The following MRO variants were observed in gnomAD, a reference collection of about 807,000 sequenced individuals.
The protein encoded by MRO is protein maestro.
In MRO, 28 loss-of-function variants were observed where a neutral mutation model predicts 31.0. The ratio of observed to expected loss-of-function variants is 0.90; its 90% CI spans 0.67 to 1.24. The LOEUF is 1.24. Ranked by LOEUF, MRO falls within the 50% of genes most tolerant of loss-of-function variation. MRO has a pLI of 0.00. For synonymous variants in MRO, 108 were observed against 108.4 expected (o/e 1.00, Z 0.02); for missense variants, 332 against 289.2 (o/e 1.15, Z -1.07).
chr18:50,797,442 A>C lies in MRO; in HGVS notation c.*1895T>G, dbSNP rs1912881079. 1 of 152,208 alleles carries C rather than the reference A, an allele frequency of 6.6e-6. No homozygotes were observed. The highest frequency in any genetic ancestry group is 2.4e-5 in the African/African-American group (1 of 41,450). 9.4% of individuals were successfully genotyped at this position (152,208 alleles called of 1,614,324 possible). On this transcript the variant is annotated 3_prime_UTR_variant, in exon 8 of 8. Coordinates refer to ENST00000398439, the MANE Select transcript of MRO (RefSeq NM_031939.6). Reference sequence around the variant, plus strand: ...ACAAAGGCAGCCCAGATTCAAACAGAAGGGACTAAATAAAGACATGAGTAT... The same window carrying C: ...ACAAAGGCAGCCCAGATTCAAACAGCAGGGACTAAATAAAGACATGAGTAT...
intron 2 of MRO, among the ~76,000 whole-genome samples, chr18:50,813,832 A>G (rs1914664896): frequency 1.3e-5 from 2 of 152,130 alleles, no homozygotes; most frequent in Non-Finnish European, 2.9e-5. Flanking sequence ...ACCAGGGCCT[A>G]CTTGAGGGTT....
intron 2 of MRO, chr18:50,815,815 CCT>C: frequency 3.9e-6 from 1 of 259,586 alleles, no homozygotes; most frequent in South Asian, 4.3e-5. Context: ...GAGCAGATCA[CCT>C]GAGGTCAGGA....
At chr18:50,825,090 T>TA (rs1291462123) in intron 1 of MRO, among the ~76,000 whole-genome samples, 33 of 141,826 alleles carry the variant, frequency 2.3e-4, no homozygotes, top group East Asian at 2.0e-4. Flanking sequence ...AAAAAAAAAT[T>TA]AAAAAAAAAA....
intron 5 of MRO, 43 bp from the exon 6 acceptor site, chr18:50,801,547 A>G: frequency 6.5e-7 from 1 of 1,547,222 alleles, no homozygotes; most frequent in Non-Finnish European, 8.7e-7. Context: ...CCAGATCATT[A>G]CCAAAAGGCA....
chr18:50,810,214 T>TG (rs1349637515), intron 2 of MRO, among the ~76,000 whole-genome samples: 1 of 152,224 alleles, frequency 6.6e-6, no homozygotes, highest in Admixed American at 6.5e-5. Flanking sequence ...CCCAAAGTGT[T>TG]GGGATTATAG....
rs1427378181 is a variant in MRO at position 50,797,819 on chromosome 18, T to A, written c.*1518A>T. The A allele has an allele frequency of 6.6e-6, 1 of 152,158 alleles. No individual in the cohort carries two copies. Among genetic ancestry groups the A allele is most frequent in the Non-Finnish European group, 1.5e-5 (1 of 68,030 alleles). 9.4% of individuals were successfully genotyped at this position (152,158 alleles called of 1,614,324 possible). On this transcript the variant is annotated 3_prime_UTR_variant, in exon 8 of 8. Coordinates refer to ENST00000398439, the MANE Select transcript of MRO (RefSeq NM_031939.6). Reference sequence around the variant, plus strand: ...CCACCCATTTGCTCGTGAGCCTGTGTCCCTCCTAAAATCTCTTGCTGTCAT... The same window carrying A: ...CCACCCATTTGCTCGTGAGCCTGTGACCCTCCTAAAATCTCTTGCTGTCAT...
At chr18:50,824,968 C>T (rs925995756), upstream of MRO, among the ~76,000 whole-genome samples, 10 of 149,936 alleles carry the variant, frequency 6.7e-5, no homozygotes, top group East Asian at 2.0e-4. Context: ...CCAGCTACTT[C>T]GGAGGCTGAG....
chr18:50,813,781 C>A (rs1287814833), intron 2 of MRO, among the ~76,000 whole-genome samples: 5 of 152,120 alleles, frequency 3.3e-5, no homozygotes, highest in Non-Finnish European at 7.3e-5. Flanking sequence ...TAAGTGGGAG[C>A]TAAATGTTGA....
At chr18:50,809,281 T>C (rs757522534) in intron 3 of MRO, 21 bp downstream of exon 3, 1 of 1,588,182 alleles carries the variant, frequency 6.3e-7, no homozygotes, top group Admixed American at 1.7e-5. Context: ...AGAAATTTGT[T>C]CATAATATTT....
upstream of MRO, among the ~76,000 whole-genome samples, chr18:50,822,949 C>G (rs1286700848): frequency 6.6e-6 from 1 of 151,914 alleles, no homozygotes; most frequent in Non-Finnish European, 1.5e-5. Context: ...GTGCCCACAG[C>G]GCAAGGCAGG....
intron 2 of MRO, among the ~76,000 whole-genome samples, chr18:50,810,158 T>C (rs1386481375): frequency 1.3e-5 from 2 of 152,156 alleles, no homozygotes; most frequent in Non-Finnish European, 2.9e-5. Flanking sequence ...CGTTGTCCAG[T>C]CTTGTCTCAA....
upstream of MRO, among the ~76,000 whole-genome samples, chr18:50,824,548 G>A (rs1264278981): frequency 6.7e-6 from 1 of 148,932 alleles, no homozygotes; most frequent in South Asian, 2.2e-4. Context: ...TCTGCCTCCC[G>A]GGTTCAAGCA....
At chr18:50,821,377 G>T (rs1286752283), upstream of MRO, among the ~76,000 whole-genome samples, 1 of 152,094 alleles carries the variant, frequency 6.6e-6, no homozygotes, top group Non-Finnish European at 1.5e-5. Flanking sequence ...TGAGAGGAAT[G>T]GGCGAGTTCA....
intron 2 of MRO, among the ~76,000 whole-genome samples, chr18:50,813,343 T>G (rs1338003049): frequency 6.6e-6 from 1 of 152,238 alleles, no homozygotes; most frequent in African/African-American, 2.4e-5. Context: ...AGCAAGAGTT[T>G]CTCTTTCCAT....
At position 50,801,525 on chromosome 18, in the gene MRO, A is replaced by G. The variant is rs147278859; in HGVS notation, c.430-21T>C. On this transcript the variant is annotated intron_variant, in intron 5 of 7. Transcript: ENST00000398439. Reference sequence around the variant, plus strand: ...TTCTCCTGCGGTCCCCATCAACAAAACAATAAGAAAGCCAGATCATTACCA... The same window carrying G: ...TTCTCCTGCGGTCCCCATCAACAAAGCAATAAGAAAGCCAGATCATTACCA... 46 of 1,567,344 alleles carry G rather than the reference A, an allele frequency of 2.9e-5. No individual in the cohort carries two copies. In the East Asian group the frequency reaches 1.0e-3, roughly 35 times the overall value.
upstream of MRO, among the ~76,000 whole-genome samples, chr18:50,822,673 T>G (rs1186384319): frequency 6.6e-6 from 1 of 151,992 alleles, no homozygotes; most frequent in Non-Finnish European, 1.5e-5. Flanking sequence ...TCTCATCTTC[T>G]TTCAGGAAAT....
intron 3 of MRO, among the ~76,000 whole-genome samples, chr18:50,808,495 G>C (rs1352897902): frequency 6.9e-6 from 1 of 144,872 alleles, no homozygotes; most frequent in East Asian, 2.0e-4. Context: ...GTCTCGCTCT[G>C]TCGCCCAGGC....
At chr18:50,806,318 T>C (rs533385076) in intron 4 of MRO, among the ~76,000 whole-genome samples, 121 of 152,020 alleles carry the variant, frequency 8.0e-4, no homozygotes, top group Non-Finnish European at 1.2e-3. Flanking sequence ...TGTGACAGAG[T>C]GGCCTGTAGG....
At chr18:50,802,939 GTGTT>G (rs1285102805) in intron 5 of MRO, among the ~76,000 whole-genome samples, 1 of 147,352 alleles carries the variant, frequency 6.8e-6, no homozygotes, top group East Asian at 2.0e-4. Flanking sequence ...GTGTGTGTGT[GTGTT>G]TAACAAATTT....
Sources: allele counts gnomAD v4.1 joint callset (sites outside exome capture counted in the v4.1 genomes callset), GRCh38; gene constraint gnomAD v4.1.1; transcripts MANE v1.5; gene names NCBI Gene and HGNC (gene_info 2026-07-23, HGNC 2026-07-21).